CCNK: variants seen among roughly 807,000 people sequenced by gnomAD.
The protein encoded by CCNK is cyclin K.
Under a neutral mutation model 65.0 loss-of-function variants are expected in CCNK, and 9 were observed. That is an observed-to-expected ratio of 0.14 (90% confidence interval 0.08 to 0.24). CCNK has a LOEUF of 0.24. CCNK is among the 10% of genes least tolerant of loss of function. The pLI is 1.00. For synonymous variants in CCNK, 279 were observed against 270.8 expected (o/e 1.03, Z -0.30); for missense variants, 474 against 720.0 (o/e 0.66, Z 3.91).
chr14:99,496,988 G>A (rs1896716116), intron 4 of CCNK, among the ~76,000 whole-genome samples: 1 of 148,692 alleles, frequency 6.7e-6, no homozygotes, highest in Non-Finnish European at 1.5e-5. Flanking sequence ...AAAGTACAGA[G>A]ATTTCCCATA....
intron 1 of CCNK, among the ~76,000 whole-genome samples, chr14:99,490,742 A>G (rs1896580005): frequency 6.6e-6 from 1 of 152,090 alleles, no homozygotes; most frequent in Non-Finnish European, 1.5e-5. Context: ...CCCGGCTAAC[A>G]CGGCGAAACC....
intron 4 of CCNK, among the ~76,000 whole-genome samples, chr14:99,496,538 G>A (rs953254125): frequency 6.6e-6 from 1 of 151,636 alleles, no homozygotes; most frequent in Non-Finnish European, 1.5e-5. Context: ...GTGAAACCCC[G>A]TCTCTACTAA....
intron 8 of CCNK, 86 bp downstream of exon 8, chr14:99,503,070 A>C (rs1382283186): frequency 2.8e-6 from 4 of 1,433,130 alleles, no homozygotes; most frequent in Non-Finnish European, 3.9e-6. Context: ...CTAAGCGAGC[A>C]CAGGGAACAC....
At chr14:99,488,455 T>C (rs61984133) in intron 1 of CCNK, among the ~76,000 whole-genome samples, 1 of 152,026 alleles carries the variant, frequency 6.6e-6, no homozygotes, top group Admixed American at 6.5e-5. Context: ...ACTGATAGTT[T>C]CCATGTTGTG....
chr14:99,501,646 G>T, intron 6 of CCNK: 1 of 517,824 alleles, frequency 1.9e-6, no homozygotes, highest in South Asian at 2.9e-5. Context: ...TTTATCACCA[G>T]TCTGAAACAT....
At chr14:99,506,997 G>C in intron 9 of CCNK, 79 bp from the exon 10 acceptor site, 1 of 879,236 alleles carries the variant, frequency 1.1e-6, no homozygotes, top group Admixed American at 1.7e-5. Context: ...AGAAATCTCT[G>C]CCAGTACATT....
chr14:99,481,453 C>T lies in CCNK; in HGVS notation c.-79C>T, dbSNP rs143798838. 4 of 398,718 alleles carry T rather than the reference C, an allele frequency of 1.0e-5. No individual in the cohort carries two copies. The East Asian group carries it at 1.4e-4, about 14-fold the overall frequency. 24.7% of individuals were successfully genotyped at this position (398,718 alleles called of 1,614,324 possible). A position where few individuals can be genotyped will look rare whatever the true frequency, so the allele number is the denominator to read the frequency against. On this transcript the variant is annotated 5_prime_UTR_variant, in exon 1 of 11. Transcript: ENST00000389879. ...GGCCGCAGTCGGCAAGGAGAGACGT[C>T]GCTGAGGGGCTTGCCTGAAGCGAGG...
intron 10 of CCNK, chr14:99,507,389 C>A (rs1389702957): frequency 4.0e-6 from 2 of 499,764 alleles, no homozygotes; most frequent in African/African-American, 3.9e-5. Context: ...TCAGCCTGGG[C>A]AACAAAGTGA....
At chr14:99,485,744 C>A (rs1029435919) in intron 1 of CCNK, among the ~76,000 whole-genome samples, 1 of 152,130 alleles carries the variant, frequency 6.6e-6, no homozygotes, top group South Asian at 2.1e-4. Context: ...CCTGTAATCC[C>A]AGCTACTCAG....
chr14:99,489,437 G>A (rs1438883866), intron 1 of CCNK, among the ~76,000 whole-genome samples: 1 of 152,164 alleles, frequency 6.6e-6, no homozygotes, highest in Admixed American at 6.5e-5. Context: ...AGGCTAGGCG[G>A]GAGGATCGCT....
intron 1 of CCNK, among the ~76,000 whole-genome samples, chr14:99,491,113 C>G (rs1460708482): frequency 6.6e-6 from 1 of 152,092 alleles, no homozygotes; most frequent in Non-Finnish European, 1.5e-5. Flanking sequence ...ATATTTTACT[C>G]AGCCAGTCCC....
intron 8 of CCNK, 132 bp downstream of exon 8, chr14:99,503,116 G>A (rs1036436108): frequency 8.7e-5 from 91 of 1,049,910 alleles, no homozygotes; most frequent in African/African-American, 6.7e-4. Flanking sequence ...CTCGCAGTCC[G>A]ACTGCTTGTC....
intron 1 of CCNK, among the ~76,000 whole-genome samples, chr14:99,482,773 T>C (rs1896381159): frequency 6.6e-6 from 1 of 152,216 alleles, no homozygotes; most frequent in South Asian, 2.1e-4. Flanking sequence ...GTTTCTAAAA[T>C]TGAATGTCAT....
At chr14:99,483,592 A>T (rs984287403) in intron 1 of CCNK, among the ~76,000 whole-genome samples, 6 of 152,216 alleles carry the variant, frequency 3.9e-5, no homozygotes, top group African/African-American at 1.4e-4. Flanking sequence ...CTTTTGTTAC[A>T]GTTTACTAGA....
At chr14:99,503,063 A>G (rs1178796295) in intron 8 of CCNK, 79 bp downstream of exon 8, 1 of 1,480,530 alleles carries the variant, frequency 6.8e-7, no homozygotes, top group Non-Finnish European at 9.4e-7. Context: ...CCCATTTCTA[A>G]GCGAGCACAG....
intron 10 of CCNK, chr14:99,508,841 G>GT (rs1398019950): frequency 6.6e-6 from 1 of 152,456 alleles, no homozygotes; most frequent in African/African-American, 2.4e-5. Context: ...GAGCAGGCCT[G>GT]TGGGCCCAGG....
intron 1 of CCNK, among the ~76,000 whole-genome samples, chr14:99,483,314 C>T (rs1896401900): frequency 6.6e-6 from 1 of 151,774 alleles, no homozygotes; most frequent in Non-Finnish European, 1.5e-5. Context: ...TGTGGGAGGC[C>T]AAAGCTGGAG....
chr14:99,486,827 A>C (rs918242507), intron 1 of CCNK, among the ~76,000 whole-genome samples: 1 of 152,160 alleles, frequency 6.6e-6, no homozygotes, highest in Admixed American at 6.5e-5. Context: ...CTCTTTCTGC[A>C]TACCTCTAAA....
At chr14:99,485,493 G>T (rs1178551372) in intron 1 of CCNK, among the ~76,000 whole-genome samples, 1 of 152,034 alleles carries the variant, frequency 6.6e-6, no homozygotes, top group Non-Finnish European at 1.5e-5. Context: ...TCTTTCTAAG[G>T]TTAACTTTCT....
Sources: gnomAD v4.1 joint callset for allele counts (sites outside exome capture counted in the v4.1 genomes callset) on GRCh38, gnomAD v4.1.1 for gene constraint, MANE v1.5 for transcripts, NCBI Gene and HGNC (gene_info 2026-07-23, HGNC 2026-07-21) for gene names.